The following CDH18 variants were observed in gnomAD, a reference collection of about 807,000 sequenced individuals.
CDH18 encodes the protein cadherin-18.
A neutral mutation model predicts 67.9 loss-of-function variants in CDH18; 31 were observed. That is an observed-to-expected ratio of 0.46 (90% CI 0.34 to 0.62). CDH18 has a LOEUF of 0.62. CDH18 is among the 20% of genes least tolerant of loss of function. The pLI is 0.01. For synonymous variants in CDH18, 362 were observed against 347.2 expected, an observed-to-expected ratio of 1.04 and a Z score of -0.48; for missense variants, 890 against 975.5, an observed-to-expected ratio of 0.91 and a Z score of 1.17.
intron 5 of CDH18, among the ~76,000 whole-genome samples, chr5:19,620,196 G>A (rs1354963858): frequency 6.6e-6 from 1 of 152,176 alleles, no homozygotes; most frequent in Non-Finnish European, 1.5e-5. Flanking sequence ...TGATGGTGAA[G>A]TAGTTTATTT....
At chr5:19,868,164 C>G in intron 2 of CDH18, among the ~76,000 whole-genome samples, 1 of 152,120 alleles carries the variant, frequency 6.6e-6, no homozygotes. Flanking sequence ...ATATAAATTA[C>G]TACATTTCAA....
At chr5:20,418,158 C>T (rs1747489367) in intron 1 of CDH18, among the ~76,000 whole-genome samples, 1 of 150,526 alleles carries the variant, frequency 6.6e-6, no homozygotes, top group Admixed American at 6.7e-5. Context: ...TCACCGCAAC[C>T]TCCGCCGCTG....
At chr5:19,880,451 A>G (rs1787514655) in intron 2 of CDH18, among the ~76,000 whole-genome samples, 1 of 152,102 alleles carries the variant, frequency 6.6e-6, no homozygotes, top group East Asian at 1.9e-4. Context: ...CATCAAATCT[A>G]TAGGATTTAG....
chr5:20,109,961 GT>G (rs757663571), intron 2 of CDH18, among the ~76,000 whole-genome samples: 28 of 152,292 alleles, frequency 1.8e-4, no homozygotes, highest in Non-Finnish European at 2.6e-4. Flanking sequence ...GTTCTTTAAT[GT>G]TATTGTATTA....
chr5:20,440,685 C>A (rs1370740606), intron 1 of CDH18, among the ~76,000 whole-genome samples: 5 of 151,922 alleles, frequency 3.3e-5, no homozygotes, highest in Non-Finnish European at 7.4e-5. Context: ...TTTTTCATTT[C>A]ATTGGCCTCC....
chr5:20,063,489 T>C (rs983458033), intron 2 of CDH18, among the ~76,000 whole-genome samples: 10 of 152,194 alleles, frequency 6.6e-5, no homozygotes, highest in African/African-American at 2.4e-4. Context: ...AGAATCAACA[T>C]TGCACCCTGG....
intron 5 of CDH18, among the ~76,000 whole-genome samples, chr5:19,671,950 C>A (rs992638610): frequency 6.6e-6 from 1 of 152,104 alleles, no homozygotes; most frequent in African/African-American, 2.4e-5. Context: ...CATGTAGGAA[C>A]AATTCCTAGG....
chr5:20,349,881 G>A (rs1391399026), intron 1 of CDH18, among the ~76,000 whole-genome samples: 1 of 152,102 alleles, frequency 6.6e-6, no homozygotes, highest in Admixed American at 6.6e-5. Flanking sequence ...GGCTTGAAAT[G>A]CTCTAAAACC....
intron 9 of CDH18, among the ~76,000 whole-genome samples, chr5:19,530,150 T>C (rs945351106): frequency 2.6e-5 from 4 of 152,178 alleles, no homozygotes; most frequent in Admixed American, 1.3e-4. Context: ...CAAGGGTTTA[T>C]GGACAAACTA....
chr5:20,266,708 G>A lies in CDH18; in HGVS notation c.-579-11203C>T, dbSNP rs540021759. Among the ~76,000 whole-genome samples the A allele has an allele frequency of 3.6e-4, 55 of 150,836 alleles. 1 individual carries two copies. The highest frequency in any genetic ancestry group is 1.2e-3 in the African/African-American group (51 of 41,018). ...CTCCTAGCGTGCTGGGATTACAGGC[G>A]TGAGTCACTGTGCCCGGCCTTGCTA... On this transcript the variant is annotated intron_variant, in intron 1 of 14. Coordinates refer to the CDH18 transcript ENST00000507958.
intron 1 of CDH18, among the ~76,000 whole-genome samples, chr5:20,500,030 T>C (rs1437016309): frequency 1.3e-5 from 2 of 152,176 alleles, no homozygotes; most frequent in East Asian, 3.8e-4. Flanking sequence ...ATTGTAGATA[T>C]ATAGATAGAA....
chr5:19,913,121 A>C (rs1473256792), intron 2 of CDH18, among the ~76,000 whole-genome samples: 2 of 152,146 alleles, frequency 1.3e-5, no homozygotes, highest in Non-Finnish European at 2.9e-5. Flanking sequence ...AAAAATTGAC[A>C]TCTTGAGTGT....
intron 1 of CDH18, among the ~76,000 whole-genome samples, chr5:20,396,918 C>T (rs1365080677): frequency 1.3e-5 from 2 of 152,224 alleles, no homozygotes; most frequent in Middle Eastern, 3.4e-3. Context: ...CATGTACTAT[C>T]GGAATTAAAA....
intron 9 of CDH18, among the ~76,000 whole-genome samples, chr5:19,543,355 C>T (rs1364566094): frequency 2.0e-5 from 3 of 151,982 alleles, no homozygotes; most frequent in Non-Finnish European, 4.4e-5. Flanking sequence ...CTGTAGATCA[C>T]GTATGTTACT....
rs913225821 is a variant in CDH18, at chr5:20,446,602, C to T, written c.-580+128860G>A. Among the ~76,000 whole-genome samples, 31 of 152,192 alleles carry T rather than the reference C, an allele frequency of 2.0e-4. 1 individual carries two copies. The highest frequency in any genetic ancestry group is 4.6e-4 in the Admixed American group (7 of 15,276). ...AAATGTATATTAAAAATGTTTATTTCTCCCTAATTATGCCAACTAAATAGC... is the reference window on the plus strand; with the variant it reads ...AAATGTATATTAAAAATGTTTATTTTTCCCTAATTATGCCAACTAAATAGC... On this transcript the variant is annotated intron_variant, in intron 1 of 14. Transcript: ENST00000507958.
intron 7 of CDH18, among the ~76,000 whole-genome samples, chr5:19,576,448 T>G (rs1275134565): frequency 6.6e-6 from 1 of 151,952 alleles, no homozygotes; most frequent in Non-Finnish European, 1.5e-5. Context: ...TAATAGATAT[T>G]TCTCAAAAAA....
intron 4 of CDH18, among the ~76,000 whole-genome samples, chr5:19,746,533 A>C (rs757758023): frequency 2.0e-4 from 30 of 152,228 alleles, no homozygotes; most frequent in Non-Finnish European, 4.4e-5. Flanking sequence ...AAAGCTTAAA[A>C]GACCTGGAGA....
intron 7 of CDH18, among the ~76,000 whole-genome samples, chr5:19,573,421 G>A (rs1017412056): frequency 9.9e-5 from 15 of 152,194 alleles, no homozygotes; most frequent in African/African-American, 3.6e-4. Context: ...TGGAACTACA[G>A]GCGCCTGCCG....
At chr5:20,209,929 C>T (rs954156408) in intron 2 of CDH18, among the ~76,000 whole-genome samples, 48 of 151,388 alleles carry the variant, frequency 3.2e-4, no homozygotes, top group African/African-American at 1.2e-3. Flanking sequence ...ATCAGATTAT[C>T]ACATGTACCC....
Sources: allele counts gnomAD v4.1 joint callset (sites outside exome capture counted in the v4.1 genomes callset), GRCh38; gene constraint gnomAD v4.1.1; transcripts MANE v1.5; gene names NCBI Gene and HGNC (gene_info 2026-07-23, HGNC 2026-07-21).